C12orf54: variants seen among roughly 807,000 people sequenced by gnomAD.
The protein encoded by C12orf54 is chromosome 12 open reading frame 54.
In C12orf54, 24 loss-of-function variants were observed where a neutral mutation model predicts 26.4. The ratio of observed to expected loss-of-function variants is 0.91; its 90% CI spans 0.66 to 1.28. C12orf54 has a LOEUF of 1.28. Ranked by LOEUF, C12orf54 falls within the 50% of genes most tolerant of loss-of-function variation. The pLI is 0.00. For missense variants in C12orf54, 154 were observed against 150.9 expected (o/e 1.02, Z -0.11); for synonymous variants, 54 against 47.0 (o/e 1.15, Z -0.61).
At chr12:48,483,483 G>T (rs987110445) in intron 2 of C12orf54, 122 bp downstream of exon 2, 2 of 783,558 alleles carry the variant, frequency 2.6e-6, no homozygotes, top group African/African-American at 3.5e-5. Context: ...GGCTGAATAA[G>T]ATGGGGACTT....
the C12orf54 span, among the ~76,000 whole-genome samples, chr12:48,470,235 G>A: frequency 6.6e-6 from 1 of 152,168 alleles, no homozygotes; most frequent in Admixed American, 6.5e-5. Context: ...TGGATCAAAT[G>A]TATTTCTGTT....
At chr12:48,452,637 G>A in the C12orf54 span, among the ~76,000 whole-genome samples, 1 of 150,850 alleles carries the variant, frequency 6.6e-6, no homozygotes, top group East Asian at 2.0e-4. Flanking sequence ...CATTTATAAG[G>A]AACTTAAACA....
At chr12:48,484,921 G>T (rs1450053993) in intron 2 of C12orf54, among the ~76,000 whole-genome samples, 4 of 152,166 alleles carry the variant, frequency 2.6e-5, no homozygotes, top group Admixed American at 2.6e-4. Flanking sequence ...TTTGCAATGA[G>T]TAGTAGCTCT....
At chr12:48,458,083 C>A in the C12orf54 span, among the ~76,000 whole-genome samples, 2 of 152,228 alleles carry the variant, frequency 1.3e-5, no homozygotes, top group South Asian at 4.1e-4. Flanking sequence ...TTTGAAGAAA[C>A]TGGCCAGAGG....
intron 5 of C12orf54, among the ~76,000 whole-genome samples, chr12:48,490,490 T>A (rs545031311): frequency 6.6e-6 from 1 of 152,132 alleles, no homozygotes; most frequent in South Asian, 2.1e-4. Flanking sequence ...CCATCTCTAC[T>A]AAAAATGCAA....
chr12:48,450,394 A>G, the C12orf54 span, among the ~76,000 whole-genome samples: 1 of 152,220 alleles, frequency 6.6e-6, no homozygotes, highest in Non-Finnish European at 1.5e-5. Flanking sequence ...AAAGATCTCA[A>G]GTTAATAAAC....
At chr12:48,434,448 A>C in the C12orf54 span, among the ~76,000 whole-genome samples, 3 of 152,188 alleles carry the variant, frequency 2.0e-5, no homozygotes, top group Admixed American at 1.3e-4. Context: ...AGATCTGAGA[A>C]TGGGCAGACT....
chr12:48,486,854 C>A, intron 4 of C12orf54, 128 bp downstream of exon 4: 1 of 879,276 alleles, frequency 1.1e-6, no homozygotes, highest in Non-Finnish European at 1.8e-6. Flanking sequence ...GATCAACACG[C>A]TCCCTCCCAC....
At chr12:48,420,727 G>A in the C12orf54 span, among the ~76,000 whole-genome samples, 7 of 152,112 alleles carry the variant, frequency 4.6e-5, no homozygotes, top group African/African-American at 1.7e-4. Context: ...CTCTGCTAAT[G>A]TCATCTAGTA....
chr12:48,485,771 C>A (rs562791367), intron 2 of C12orf54, among the ~76,000 whole-genome samples: 1 of 152,016 alleles, frequency 6.6e-6, no homozygotes, highest in African/African-American at 2.4e-5. Flanking sequence ...AACACTTTTT[C>A]GGGGGATAAA....
At chr12:48,433,767 A>T in the C12orf54 span, among the ~76,000 whole-genome samples, 1 of 152,168 alleles carries the variant, frequency 6.6e-6, no homozygotes, top group South Asian at 2.1e-4. Flanking sequence ...TTTTAAAAAT[A>T]TTCTTTGCCA....
the C12orf54 span, chr12:48,473,464 G>A: frequency 1.9e-6 from 1 of 516,560 alleles, no homozygotes; most frequent in East Asian, 5.0e-5. Flanking sequence ...ACTGTTTTTA[G>A]CCGTATCCCC....
At chr12:48,454,546 C>T in the C12orf54 span, among the ~76,000 whole-genome samples, 1 of 152,302 alleles carries the variant, frequency 6.6e-6, no homozygotes, top group Non-Finnish European at 1.5e-5. Flanking sequence ...GGTCTGATTG[C>T]TAAGAATAAA....
chr12:48,464,607 G>A, the C12orf54 span, among the ~76,000 whole-genome samples: 1 of 152,056 alleles, frequency 6.6e-6, no homozygotes, highest in Non-Finnish European at 1.5e-5. Flanking sequence ...TGCCCATATA[G>A]CCAGGGCAAT....
chr12:48,494,567 A>C (rs1937868852), intron 7 of C12orf54, among the ~76,000 whole-genome samples: 1 of 152,162 alleles, frequency 6.6e-6, no homozygotes, highest in Non-Finnish European at 1.5e-5. Flanking sequence ...TTTCCTGATG[A>C]AAACATAGGC....
chr12:48,420,393 CT>C, the C12orf54 span, among the ~76,000 whole-genome samples: 1 of 152,340 alleles, frequency 6.6e-6, no homozygotes, highest in Non-Finnish European at 1.5e-5. Context: ...GAATATAAGA[CT>C]TAGCCACCCT....
intron 2 of C12orf54, among the ~76,000 whole-genome samples, chr12:48,485,466 G>A (rs1954249157): frequency 6.6e-6 from 1 of 152,096 alleles, no homozygotes; most frequent in Non-Finnish European, 1.5e-5. Context: ...GTAATGGCAG[G>A]AACTGTACTA....
the C12orf54 span, among the ~76,000 whole-genome samples, chr12:48,466,362 A>G: frequency 2.6e-5 from 4 of 152,050 alleles, no homozygotes; most frequent in Admixed American, 6.6e-5. Flanking sequence ...TGGCCCACAT[A>G]GTGAAACCCA....
At chr12:48,468,242 G>A in the C12orf54 span, among the ~76,000 whole-genome samples, 1 of 152,140 alleles carries the variant, frequency 6.6e-6, no homozygotes, top group Non-Finnish European at 1.5e-5. Context: ...GTTATAAGAA[G>A]ATCTCTCTGA....
Sources: gnomAD v4.1 joint callset for allele counts (sites outside exome capture counted in the v4.1 genomes callset) on GRCh38, gnomAD v4.1.1 for gene constraint, MANE v1.5 for transcripts, NCBI Gene and HGNC (gene_info 2026-07-23, HGNC 2026-07-21) for gene names.